The following FRMD4A variants were observed in gnomAD, a reference collection of about 807,000 sequenced individuals.
The protein encoded by FRMD4A is FERM domain-containing protein 4A.
In FRMD4A, 29 loss-of-function variants were observed where a neutral mutation model predicts 129.1. The ratio of observed to expected loss-of-function variants is 0.22; its 90% CI spans 0.17 to 0.31. The LOEUF (loss-of-function observed/expected upper bound fraction) is 0.31, where lower values mean the gene tolerates loss of function less well. Among genes scored for constraint, FRMD4A ranks in the 10% least tolerant of loss-of-function variants. The pLI, the probability that FRMD4A is intolerant of heterozygous loss-of-function variation, is 1.00. For synonymous variants in FRMD4A, 634 were observed against 571.6 expected, an observed-to-expected ratio of 1.11 and a Z score of -1.56; for missense variants, 1,272 against 1,375.8, an observed-to-expected ratio of 0.92 and a Z score of 1.19.
chr10:14,043,185 C>A (rs1282913824), intron 2 of FRMD4A, among the ~76,000 whole-genome samples: 2 of 151,968 alleles, frequency 1.3e-5, no homozygotes, highest in African/African-American at 2.4e-5. Flanking sequence ...ATTTTCTTCA[C>A]CAAAAAGTGT....
intron 15 of FRMD4A, among the ~76,000 whole-genome samples, chr10:13,691,663 A>G (rs1423299811): frequency 1.3e-5 from 2 of 152,178 alleles, no homozygotes; most frequent in Non-Finnish European, 2.9e-5. Context: ...AAGCCCTCCA[A>G]GTGGTTTCGA....
intron 4 of FRMD4A, among the ~76,000 whole-genome samples, chr10:13,804,727 T>G (rs1343641705): frequency 1.3e-5 from 2 of 149,592 alleles, no homozygotes; most frequent in Non-Finnish European, 3.0e-5. Flanking sequence ...TTTTTTTTTT[T>G]TTTTGTATTT....
rs2132080161 is a variant in FRMD4A, at chr10:14,294,760, A to T, written c.45+35298T>A. On this transcript the variant is annotated intron_variant, in intron 2 of 24. Transcript: ENST00000357447. ...ATTCGCTACCACGATCTTCTAAAAAACACGAGCTTTATTAAATATCAGCTC... is the reference window on the plus strand; with the variant it reads ...ATTCGCTACCACGATCTTCTAAAAATCACGAGCTTTATTAAATATCAGCTC... Among the ~76,000 whole-genome samples, 3 of 152,364 alleles carry T rather than the reference A, an allele frequency of 2.0e-5. No individual in the cohort carries two copies. The Middle Eastern group carries it at 0.01, about 518-fold the overall frequency.
chr10:13,758,430 GT>G (rs1284348100), intron 8 of FRMD4A, among the ~76,000 whole-genome samples: 2 of 152,220 alleles, frequency 1.3e-5, no homozygotes, highest in Non-Finnish European at 2.9e-5. Flanking sequence ...CAGTATGGAA[GT>G]CAAAGCCATT....
At chr10:14,090,290 A>T (rs1157093193) in intron 2 of FRMD4A, among the ~76,000 whole-genome samples, 8 of 152,204 alleles carry the variant, frequency 5.3e-5, no homozygotes, top group Non-Finnish European at 8.8e-5. Context: ...CTTCATGTAG[A>T]TCTGTGCCAC....
At chr10:13,699,032 T>C (rs2086518535) in intron 14 of FRMD4A, among the ~76,000 whole-genome samples, 2 of 150,898 alleles carry the variant, frequency 1.3e-5, no homozygotes, top group Non-Finnish European at 2.9e-5. Context: ...ACACGTCTTG[T>C]TGCTAATTTA....
At chr10:13,682,082 G>C (rs937440381) in intron 15 of FRMD4A, among the ~76,000 whole-genome samples, 1 of 151,858 alleles carries the variant, frequency 6.6e-6, no homozygotes, top group African/African-American at 2.4e-5. Context: ...AAATTAGTAA[G>C]GCGTGGTAGT....
intron 2 of FRMD4A, among the ~76,000 whole-genome samples, chr10:13,898,593 T>C (rs2094784721): frequency 6.6e-6 from 1 of 152,214 alleles, no homozygotes; most frequent in Admixed American, 6.5e-5. Context: ...TGCCAGGTTC[T>C]TAACTCTAGG....
chr10:14,314,509 G>C (rs975038052), intron 2 of FRMD4A, among the ~76,000 whole-genome samples: 1 of 152,162 alleles, frequency 6.6e-6, no homozygotes, highest in African/African-American at 2.4e-5. Flanking sequence ...GCTTCTGGGA[G>C]AGATTTTCCT....
At chr10:14,131,017 G>A (rs936697143) in intron 2 of FRMD4A, among the ~76,000 whole-genome samples, 2 of 152,298 alleles carry the variant, frequency 1.3e-5, no homozygotes, top group African/African-American at 4.8e-5. Context: ...GGAGGAGAAA[G>A]CAAGGACTAT....
rs1414343827 is a variant in FRMD4A at position 13,747,727 on chromosome 10, G to A, written c.548+9C>T. Reference sequence around the variant, plus strand: ...GACTCGCTCCTGGGGAAGACTCCAGGGGTCTTACCAGTAGGCCAGGGAAGG... The same window carrying A: ...GACTCGCTCCTGGGGAAGACTCCAGAGGTCTTACCAGTAGGCCAGGGAAGG... On this transcript the variant is annotated intron_variant, in intron 9 of 24. Coordinates refer to ENST00000357447, the MANE Select transcript of FRMD4A (RefSeq NM_018027.5). 1.3e-6 allele frequency: 2 copies of A among 1,499,544 alleles called. No individual in the cohort carries two copies. Among genetic ancestry groups the A allele is most frequent in the Admixed American group, 1.7e-5 (1 of 59,868 alleles). 92.9% of individuals were successfully genotyped at this position (1,499,544 alleles called of 1,614,324 possible). A position where few individuals can be genotyped will look rare whatever the true frequency, so the allele number is the denominator to read the frequency against.
chr10:14,142,941 A>G (rs1334686471), intron 2 of FRMD4A, among the ~76,000 whole-genome samples: 1 of 152,154 alleles, frequency 6.6e-6, no homozygotes, highest in East Asian at 1.9e-4. Context: ...TCAAAACAAC[A>G]GTGAGATGCC....
intron 2 of FRMD4A, among the ~76,000 whole-genome samples, chr10:14,320,077 C>T (rs565356679): frequency 2.6e-5 from 4 of 152,176 alleles, no homozygotes; most frequent in African/African-American, 7.2e-5. Context: ...CTGTCAGCTC[C>T]GTGCCACCTC....
chr10:13,953,427 G>T (rs1043097166), intron 2 of FRMD4A, among the ~76,000 whole-genome samples: 1 of 152,088 alleles, frequency 6.6e-6, no homozygotes, highest in Non-Finnish European at 1.5e-5. Context: ...GTCCAAAGAT[G>T]GTCAATGGGA....
At chr10:13,673,609 G>A (rs1024994119) in intron 16 of FRMD4A, among the ~76,000 whole-genome samples, 4 of 148,962 alleles carry the variant, frequency 2.7e-5, no homozygotes, top group African/African-American at 1.0e-4. Flanking sequence ...CACACACAGA[G>A]TCATGTGTAT....
intron 2 of FRMD4A, among the ~76,000 whole-genome samples, chr10:13,916,782 A>G (rs909969721): frequency 6.6e-6 from 1 of 152,208 alleles, no homozygotes; most frequent in Admixed American, 6.5e-5. Context: ...TTTTCAGTAA[A>G]TATGTGTTGA....
chr10:14,214,830 C>T (rs1484632921), intron 2 of FRMD4A, among the ~76,000 whole-genome samples: 4 of 152,230 alleles, frequency 2.6e-5, no homozygotes, highest in African/African-American at 9.6e-5. Flanking sequence ...TAAAAACCTG[C>T]TTTGTATTGT....
intron 10 of FRMD4A, 71 bp from the exon 11 acceptor site, chr10:13,740,322 G>T: frequency 9.5e-7 from 1 of 1,052,226 alleles, no homozygotes; most frequent in Non-Finnish European, 1.5e-6. Context: ...AGCAGATCTG[G>T]TATCATATAT....
rs143588873 is a variant in FRMD4A, at chr10:13,777,077, T to G, written c.384+5845A>C. Among the ~76,000 whole-genome samples, 832 of 152,350 alleles carry G rather than the reference T, an allele frequency of 5.5e-3. 6 individuals carry two copies. Among genetic ancestry groups the G allele is most frequent in the Middle Eastern group, 0.014 (4 of 294 alleles). On this transcript the variant is annotated intron_variant, in intron 6 of 24. Coordinates refer to ENST00000357447, the MANE Select transcript of FRMD4A (RefSeq NM_018027.5). ...GGAAGCTTGGAGACGTTACAGGAGGTGCCCACATTTATCCCTTTTACCAAG... is the reference window on the plus strand; with the variant it reads ...GGAAGCTTGGAGACGTTACAGGAGGGGCCCACATTTATCCCTTTTACCAAG...
Sources: gnomAD v4.1 joint callset for allele counts (sites outside exome capture counted in the v4.1 genomes callset) on GRCh38, gnomAD v4.1.1 for gene constraint, MANE v1.5 for transcripts, NCBI Gene and HGNC (gene_info 2026-07-23, HGNC 2026-07-21) for gene names.